Variants in STXBP5L observed in about 807,000 individuals in gnomAD.
STXBP5L encodes syntaxin binding protein 5L, also known as syntaxin-binding protein 5-like.
Under a neutral mutation model 144.5 loss-of-function variants are expected in STXBP5L, and 65 were observed. That is an observed-to-expected ratio of 0.45 (90% CI 0.37 to 0.55). The LOEUF (loss-of-function observed/expected upper bound fraction) is 0.55. STXBP5L is among the 20% of genes least tolerant of loss of function. STXBP5L has a pLI of 0.00. For synonymous variants in STXBP5L, 505 were observed against 469.6 expected (o/e 1.08, Z -0.97); for missense variants, 1,298 against 1,405.5 (o/e 0.92, Z 1.22).
At chr3:121,076,897 C>G (rs2042041089) in intron 5 of STXBP5L, among the ~76,000 whole-genome samples, 9 of 152,112 alleles carry the variant, frequency 5.9e-5, no homozygotes, top group Admixed American at 4.6e-4. Flanking sequence ...GGTTTTGATA[C>G]TACTTAGCCC....
chr3:121,221,144 C>T (rs941632709), intron 10 of STXBP5L, among the ~76,000 whole-genome samples: 2 of 151,836 alleles, frequency 1.3e-5, no homozygotes, highest in African/African-American at 4.8e-5. Flanking sequence ...TACAGTTAAC[C>T]ATGAGTGGTT....
At chr3:120,990,247 C>A (rs1215189900) in intron 3 of STXBP5L, among the ~76,000 whole-genome samples, 8 of 152,162 alleles carry the variant, frequency 5.3e-5, no homozygotes, top group Non-Finnish European at 1.2e-4. Flanking sequence ...ATCCAACTTA[C>A]AAGGGACGTG....
chr3:120,920,428 G>A (rs1463729202), intron 2 of STXBP5L, among the ~76,000 whole-genome samples: 1 of 151,288 alleles, frequency 6.6e-6, no homozygotes, highest in Non-Finnish European at 1.5e-5. Flanking sequence ...ACATTTATAT[G>A]GTTTGTAAAT....
chr3:121,407,284 T>G lies in STXBP5L; in HGVS notation c.2629T>G (p.Cys877Gly), dbSNP rs772962954. The change falls in exon 23 of 27, where the codon TGT becomes GGT. Residue 877 changes from cysteine (C) to glycine (G), a missense_variant. Coordinates refer to ENST00000471454, the MANE Select transcript of STXBP5L (RefSeq NM_001308330.2). ...SLKGAVLTFS[C>G]MDRMGGLMQP... ...GAAAGGAGCTGTGCTAACATTCTCC[T>G]GTATGGACCGAATGGGTGGATTAAT... is the stretch of plus-strand genomic sequence containing the variant. The G allele has an allele frequency of 8.1e-6, 13 of 1,606,134 alleles. No homozygotes were observed. The South Asian group carries it at 1.3e-4, about 17-fold the overall frequency.
intron 3 of STXBP5L, among the ~76,000 whole-genome samples, chr3:121,028,573 G>T (rs1158148583): frequency 1.3e-5 from 2 of 151,976 alleles, no homozygotes; most frequent in East Asian, 3.9e-4. Context: ...ATTCTAAGGA[G>T]ATCTTTTAGA....
Position 120,991,963 on chromosome 3 carries a change from A to C in STXBP5L, c.287+36926A>C, listed in dbSNP as rs187420805. ...GTACCCTAAAACTTAAAGTATAATA[A>C]AAAAAATCCATATAGTGATTGCTGC... On this transcript the variant is annotated intron_variant, in intron 3 of 26. Transcript: ENST00000471454. Among the ~76,000 whole-genome samples, 209 of 152,218 alleles carry C rather than the reference A, an allele frequency of 1.4e-3. 1 individual carries two copies. The highest frequency in any genetic ancestry group is 4.7e-3 in the African/African-American group (195 of 41,522).
At chr3:121,197,134 C>T (rs1224493331) in intron 9 of STXBP5L, among the ~76,000 whole-genome samples, 7 of 151,976 alleles carry the variant, frequency 4.6e-5, no homozygotes, top group Non-Finnish European at 8.8e-5. Context: ...TCGTTTCTTT[C>T]GTTTGTTATT....
intron 23 of STXBP5L, 177 bp downstream of exon 23, chr3:121,407,780 T>C: frequency 6.6e-6 from 6 of 910,888 alleles, no homozygotes; most frequent in Non-Finnish European, 9.5e-6. Context: ...GGTTTTGTGT[T>C]TTGTTTTGGT....
intron 10 of STXBP5L, among the ~76,000 whole-genome samples, chr3:121,213,622 T>C (rs2048664686): frequency 6.6e-6 from 1 of 152,222 alleles, no homozygotes; most frequent in African/African-American, 2.4e-5. Context: ...GCCAGTATTT[T>C]ATTGAGGATT....
chr3:120,985,033 C>A (rs1189839006), intron 3 of STXBP5L, among the ~76,000 whole-genome samples: 2 of 151,852 alleles, frequency 1.3e-5, no homozygotes, highest in East Asian at 1.9e-4. Flanking sequence ...GTGTATAATT[C>A]TTTTAATATG....
chr3:121,346,078 A>G (rs886947265), intron 20 of STXBP5L, among the ~76,000 whole-genome samples: 4 of 151,598 alleles, frequency 2.6e-5, no homozygotes, highest in Non-Finnish European at 5.9e-5. Flanking sequence ...AGCATTAGGT[A>G]TATCTCCTAA....
chr3:121,332,349 A>G (rs1171502522), intron 20 of STXBP5L, among the ~76,000 whole-genome samples: 1 of 150,800 alleles, frequency 6.6e-6, no homozygotes, highest in East Asian at 1.9e-4. Flanking sequence ...ATGAAAAAAA[A>G]TTTAAAAATA....
chr3:121,036,116 T>A (rs1443349054), intron 3 of STXBP5L, among the ~76,000 whole-genome samples: 2 of 152,100 alleles, frequency 1.3e-5, no homozygotes, highest in East Asian at 3.9e-4. Flanking sequence ...GCAGATCACT[T>A]GAGGTCAGGA....
At chr3:120,997,581 A>G in intron 3 of STXBP5L, among the ~76,000 whole-genome samples, 1 of 152,106 alleles carries the variant, frequency 6.6e-6, no homozygotes. Context: ...TCTTCTTTTG[A>G]GTAGCATCTG....
rs79129975 is a variant in STXBP5L, at chr3:121,181,016, C to T, written c.877+23389C>T. On this transcript the variant is annotated intron_variant, in intron 9 of 26. Coordinates refer to ENST00000471454, the MANE Select transcript of STXBP5L (RefSeq NM_001308330.2). Reference sequence around the variant, plus strand: ...AAGGAAGAAAGGAAACAGTACCTCACATCTCAGTACTAACATTGAATGTAA... The same window carrying T: ...AAGGAAGAAAGGAAACAGTACCTCATATCTCAGTACTAACATTGAATGTAA... 1.3e-4 allele frequency among the ~76,000 whole-genome samples: 19 copies of T among 151,628 alleles called. No homozygotes were observed. The East Asian group carries it at 2.9e-3, about 23-fold the overall frequency.
rs2048528262 is a variant in STXBP5L, at chr3:121,210,705, TG to T, written c.956+4705del. ...AATAGGGAATCCTTTCCCCATTTCT[TG>T]TTTTTGTCAGGTTTGTCAAAGATCA... is the stretch of plus-strand genomic sequence containing the variant. On this transcript the variant is annotated intron_variant, in intron 10 of 26. Coordinates refer to ENST00000471454, the MANE Select transcript of STXBP5L (RefSeq NM_001308330.2). Among the ~76,000 whole-genome samples the T allele has an allele frequency of 2.0e-5, 3 of 152,234 alleles. No homozygotes were observed. The South Asian group carries it at 6.2e-4, about 31-fold the overall frequency.
At chr3:121,024,933 A>G (rs1053291370) in intron 3 of STXBP5L, among the ~76,000 whole-genome samples, 3 of 152,170 alleles carry the variant, frequency 2.0e-5, no homozygotes, top group Admixed American at 6.5e-5. Context: ...TAATTTCTCA[A>G]TGCTTAGAAC....
chr3:121,393,512 T>C (rs1221063218), intron 22 of STXBP5L, among the ~76,000 whole-genome samples: 1 of 152,214 alleles, frequency 6.6e-6, no homozygotes, highest in Admixed American at 6.5e-5. Flanking sequence ...CCTAAGCCAA[T>C]GTCCACACAA....
intron 18 of STXBP5L, among the ~76,000 whole-genome samples, chr3:121,261,954 T>G (rs115984416): frequency 0.013 from 1,932 of 152,280 alleles, 18 homozygotes; most frequent in Non-Finnish European, 0.02. Context: ...AAAATCAAGG[T>G]CTCAGGAGAT....
Sources: gnomAD v4.1 joint callset for allele counts (sites outside exome capture counted in the v4.1 genomes callset) on GRCh38, gnomAD v4.1.1 for gene constraint, MANE v1.5 for transcripts, NCBI Gene and HGNC (gene_info 2026-07-23, HGNC 2026-07-21) for gene names.